Variants in RBBP8 observed in about 807,000 individuals in gnomAD.
RBBP8 encodes DNA endonuclease RBBP8.
In RBBP8, 88 loss-of-function variants were observed where a neutral mutation model predicts 108.3. The ratio of observed to expected loss-of-function variants is 0.81; its 90% CI spans 0.68 to 0.97. RBBP8 has a LOEUF of 0.97. Among genes scored for constraint, RBBP8 ranks in the 50% least tolerant of loss-of-function variants. The pLI is 0.00. For synonymous variants in RBBP8, 332 were observed against 348.2 expected (o/e 0.95, Z 0.52); for missense variants, 1,023 against 1,049.0 (o/e 0.98, Z 0.34).
intron 6 of RBBP8, 85 bp from the exon 7 acceptor site, chr18:22,982,133 T>G: frequency 3.5e-6 from 5 of 1,430,784 alleles, no homozygotes; most frequent in Non-Finnish European, 4.8e-6. Context: ...GCTTCATGTT[T>G]GTGTTCTACT....
intron 8 of RBBP8, among the ~76,000 whole-genome samples, chr18:22,988,127 A>G (rs1915454993): frequency 6.6e-6 from 1 of 152,186 alleles, no homozygotes; most frequent in Non-Finnish European, 1.5e-5. Context: ...ATACTAGTTT[A>G]GGCTACTAGC....
chr18:22,961,968 T>G (rs1015227737), intron 4 of RBBP8, among the ~76,000 whole-genome samples: 19 of 152,360 alleles, frequency 1.2e-4, no homozygotes, highest in African/African-American at 3.6e-4. Flanking sequence ...ATTCAACATG[T>G]GTTTAAAATT....
intron 16 of RBBP8, among the ~76,000 whole-genome samples, chr18:23,006,753 C>T (rs529404653): frequency 1.7e-3 from 259 of 152,246 alleles, no homozygotes; most frequent in Non-Finnish European, 2.2e-3. Context: ...CCATCTGCCT[C>T]GGCCTCTCAA....
At chr18:22,965,748 C>T (rs139642640) in intron 4 of RBBP8, among the ~76,000 whole-genome samples, 1 of 152,164 alleles carries the variant, frequency 6.6e-6, no homozygotes, top group East Asian at 1.9e-4. Flanking sequence ...TTAAAACGTG[C>T]TTTTAATCAG....
chr18:22,927,916 C>G lies in RBBP8; in HGVS notation c.-153-1467C>G, dbSNP rs182289369. ...TCTCAAAAAATTAAAAAAAAAAAAGCAGGAAAACAGGGCTGGGCGTGGTGG... is the reference window on the plus strand; with the variant it reads ...TCTCAAAAAATTAAAAAAAAAAAAGGAGGAAAACAGGGCTGGGCGTGGTGG... On this transcript the variant is annotated intron_variant, in intron 3 of 4. Transcript: ENST00000577588. Among the ~76,000 whole-genome samples, 8 of 144,350 alleles carry G rather than the reference C, an allele frequency of 5.5e-5. No individual in the cohort carries two copies. The East Asian group carries it at 8.3e-4, about 15-fold the overall frequency. The allele number at this position is 144,350 out of a possible 152,430, so 94.7% of individuals were successfully genotyped here.
At chr18:23,006,616 C>T (rs902136687) in intron 16 of RBBP8, among the ~76,000 whole-genome samples, 184 bp downstream of exon 16, 2 of 152,112 alleles carry the variant, frequency 1.3e-5, no homozygotes, top group Non-Finnish European at 2.9e-5. Context: ...ATACTCCCAC[C>T]TCAGCCTCCT....
chr18:22,966,592 A>G (rs8098557), intron 4 of RBBP8, among the ~76,000 whole-genome samples: 27,029 of 143,420 alleles, frequency 0.19, 3,690 homozygotes, highest in African/African-American at 0.36. Flanking sequence ...AAAAAAAAAA[A>G]GTCTATGTTC....
intron 10 of RBBP8, among the ~76,000 whole-genome samples, chr18:22,992,211 T>A (rs1227018290): frequency 6.6e-6 from 1 of 152,234 alleles, no homozygotes; most frequent in Non-Finnish European, 1.5e-5. Context: ...TATTAAAATA[T>A]GATTTTTGTT....
At chr18:22,914,415 T>C (rs981600134) in intron 1 of RBBP8, 5 of 152,234 alleles carry the variant, frequency 3.3e-5, no homozygotes, top group African/African-American at 1.2e-4. Flanking sequence ...ACCTGCATTA[T>C]ACCTTTTCTG....
At chr18:22,931,925 G>C (rs1157839319), upstream of RBBP8, among the ~76,000 whole-genome samples, 1 of 152,146 alleles carries the variant, frequency 6.6e-6, no homozygotes, top group African/African-American at 2.4e-5. Context: ...AGATTTAGGA[G>C]GGGTGGTTGG....
chr18:22,946,487 G>A lies in RBBP8; in HGVS notation c.152+1G>A, dbSNP rs768080162. 1 of 1,612,344 alleles carries A rather than the reference G, an allele frequency of 6.2e-7. No individual in the cohort carries two copies. The highest frequency in any genetic ancestry group is 1.1e-5 in the South Asian group (1 of 91,024). ...CCAAGCTAAAACAGGAACGAATCTT[G>A]TAAGTATCAGTATGTAATACTCATG... On this transcript the variant is annotated splice_donor_variant, in intron 3 of 18. Transcript: ENST00000327155. LOFTEE classifies it high-confidence loss of function.
chr18:23,022,672 T>TAAAAAAATAAA (rs1169553930), intron 18 of RBBP8, among the ~76,000 whole-genome samples: 1 of 117,832 alleles, frequency 8.5e-6, no homozygotes, highest in South Asian at 2.5e-4. Flanking sequence ...ATAAAATAAA[T>TAAAAAAATAAA]AACTGTATAT....
rs146518829 is a variant in RBBP8 at position 22,961,583 on chromosome 18, C to T, written c.249-7223C>T. Reference sequence around the variant, plus strand: ...GCAAGCTTGTCTAACCCACGACCTGCGGGCTGCATGTGGCCCAGGACAGCT... The same window carrying T: ...GCAAGCTTGTCTAACCCACGACCTGTGGGCTGCATGTGGCCCAGGACAGCT... On this transcript the variant is annotated intron_variant, in intron 4 of 18. Coordinates refer to ENST00000327155, the MANE Select transcript of RBBP8 (RefSeq NM_002894.3). 7.9e-5 allele frequency among the ~76,000 whole-genome samples: 12 copies of T among 152,316 alleles called. No individual in the cohort carries two copies. In the East Asian group the frequency reaches 1.3e-3, roughly 17 times the overall value.
chr18:22,988,193 T>C (rs547589281), intron 8 of RBBP8, among the ~76,000 whole-genome samples: 1 of 152,372 alleles, frequency 6.6e-6, no homozygotes, highest in African/African-American at 2.4e-5. Flanking sequence ...TGCCTATTAG[T>C]GATTGCTTCT....
At chr18:23,007,060 G>GC (rs1456325885) in intron 16 of RBBP8, among the ~76,000 whole-genome samples, 3 of 136,990 alleles carry the variant, frequency 2.2e-5, no homozygotes, top group African/African-American at 8.1e-5. Flanking sequence ...TCACTCTGTT[G>GC]CCCCGGCTGG....
intron 8 of RBBP8, among the ~76,000 whole-genome samples, chr18:22,986,811 T>C (rs889013210): frequency 6.6e-6 from 1 of 152,132 alleles, no homozygotes; most frequent in Non-Finnish European, 1.5e-5. Flanking sequence ...GTGTGTCTGT[T>C]TGTCTGTCCA....
At chr18:22,966,852 G>T (rs992063384) in intron 4 of RBBP8, among the ~76,000 whole-genome samples, 4 of 149,746 alleles carry the variant, frequency 2.7e-5, no homozygotes, top group African/African-American at 9.8e-5. Flanking sequence ...TCAGCCTCCC[G>T]AGTAGCTGGG....
At chr18:22,961,192 G>C (rs1401739215) in intron 4 of RBBP8, among the ~76,000 whole-genome samples, 2 of 152,212 alleles carry the variant, frequency 1.3e-5, no homozygotes, top group Non-Finnish European at 2.9e-5. Flanking sequence ...AGAAAAACTT[G>C]CATGTGTAGC....
intron 15 of RBBP8, 51 bp from the exon 16 acceptor site, chr18:23,006,312 T>C: frequency 6.7e-7 from 1 of 1,495,692 alleles, no homozygotes; most frequent in Non-Finnish European, 9.3e-7. Context: ...TAGTTAATTA[T>C]TTCTCATTAA....
Sources: gnomAD v4.1 joint callset for allele counts (sites outside exome capture counted in the v4.1 genomes callset) on GRCh38, gnomAD v4.1.1 for gene constraint, MANE v1.5 for transcripts, NCBI Gene and HGNC (gene_info 2026-07-23, HGNC 2026-07-21) for gene names.